The following EPB41L4A variants were observed in gnomAD, a reference collection of about 807,000 sequenced individuals.
The protein encoded by EPB41L4A is band 4.1-like protein 4A.
EPB41L4A carries 100 observed loss-of-function variants against 108.6 expected under a neutral mutation model. That is an observed-to-expected ratio of 0.92 (90% confidence interval 0.78 to 1.09). The LOEUF (loss-of-function observed/expected upper bound fraction) is 1.09. Among genes scored for constraint, EPB41L4A ranks in the 50% least tolerant of loss-of-function variants. The probability of loss-of-function intolerance (pLI) is 0.00; values close to 1 mark genes in which losing one functional copy is unlikely to be tolerated. For missense variants in EPB41L4A, 1,030 were observed against 842.7 expected (o/e 1.22, Z -2.75); for synonymous variants, 319 against 289.0 (o/e 1.10, Z -1.05).
At chr5:112,303,469 G>C (rs1470792945) in intron 2 of EPB41L4A, among the ~76,000 whole-genome samples, 1 of 152,166 alleles carries the variant, frequency 6.6e-6, no homozygotes, top group Non-Finnish European at 1.5e-5. Flanking sequence ...TAGAGCCTAA[G>C]AGAACTAAGG....
At position 112,367,872 on chromosome 5, in the gene EPB41L4A, T is replaced by C. The variant is rs146916746; in HGVS notation, c.99+51069A>G. On this transcript the variant is annotated intron_variant, in intron 1 of 22. Transcript: ENST00000261486. Reference sequence around the variant, plus strand: ...ACCCGGCTGAACAAACTGAATTGCCTGCTCCACGAAATAAAGACCACCAAA... The same window carrying C: ...ACCCGGCTGAACAAACTGAATTGCCCGCTCCACGAAATAAAGACCACCAAA... 2.8e-3 allele frequency among the ~76,000 whole-genome samples: 423 copies of C among 152,342 alleles called. 3 individuals carry two copies. Among genetic ancestry groups the C allele is most frequent in the African/African-American group, 9.1e-3 (380 of 41,584 alleles).
At chr5:112,322,738 A>C (rs1755885812) in intron 1 of EPB41L4A, among the ~76,000 whole-genome samples, 1 of 150,252 alleles carries the variant, frequency 6.7e-6, no homozygotes, top group South Asian at 2.1e-4. Context: ...TCACACACAC[A>C]CCCCACACAC....
chr5:112,210,182 A>G, intron 12 of EPB41L4A, 200 bp from the exon 13 acceptor site: 1 of 422,402 alleles, frequency 2.4e-6, no homozygotes, highest in Non-Finnish European at 4.2e-6. Flanking sequence ...CCTCAACATA[A>G]CAATGTCCTG....
At chr5:112,170,833 T>C in intron 19 of EPB41L4A, 112 bp downstream of exon 19, 2 of 904,580 alleles carry the variant, frequency 2.2e-6, no homozygotes, top group East Asian at 4.9e-5. Context: ...ACAGTGGCAA[T>C]GGCTTTGGCA....
intron 1 of EPB41L4A, among the ~76,000 whole-genome samples, chr5:112,314,211 A>G (rs1408044856): frequency 6.6e-6 from 1 of 151,842 alleles, no homozygotes; most frequent in Non-Finnish European, 1.5e-5. Flanking sequence ...CAGGTAGACC[A>G]AACTATTACG....
chr5:112,404,900 GAC>G (rs1397140466), intron 1 of EPB41L4A, among the ~76,000 whole-genome samples: 4 of 152,112 alleles, frequency 2.6e-5, no homozygotes, highest in African/African-American at 9.7e-5. Context: ...GGCCTTCAGA[GAC>G]ACAGTCCATC....
chr5:112,256,883 C>G (rs1408043481), intron 9 of EPB41L4A: 2 of 152,090 alleles, frequency 1.3e-5, no homozygotes, highest in Admixed American at 1.3e-4. Flanking sequence ...GGATTTTCTA[C>G]AGTGAACATG....
chr5:112,157,216 T>C (rs1759682072), intron 12 of EPB41L4A, among the ~76,000 whole-genome samples: 1 of 151,984 alleles, frequency 6.6e-6, no homozygotes, highest in African/African-American at 2.4e-5. Flanking sequence ...GGATGGGCTA[T>C]TGATAAACCA....
At chr5:112,242,736 G>T (rs1023761738) in intron 9 of EPB41L4A, among the ~76,000 whole-genome samples, 1 of 152,182 alleles carries the variant, frequency 6.6e-6, no homozygotes, top group African/African-American at 2.4e-5. Flanking sequence ...GAAAGTTGAA[G>T]TTACCTCTTG....
At chr5:112,339,496 C>G (rs77941778) in intron 1 of EPB41L4A, among the ~76,000 whole-genome samples, 8 of 32,304 alleles carry the variant, frequency 2.5e-4, no homozygotes, top group African/African-American at 9.0e-4. Context: ...ATATATATAT[C>G]TATATATATA....
chr5:112,347,520 T>C (rs1487251343), intron 1 of EPB41L4A, among the ~76,000 whole-genome samples: 1 of 152,190 alleles, frequency 6.6e-6, no homozygotes, highest in East Asian at 1.9e-4. Context: ...TTTCCAAGCA[T>C]CTCAGAGCCA....
At chr5:112,269,972 C>T (rs929640366) in intron 4 of EPB41L4A, among the ~76,000 whole-genome samples, 17 of 152,298 alleles carry the variant, frequency 1.1e-4, no homozygotes, top group Admixed American at 3.3e-4. Flanking sequence ...ACACGAGAGA[C>T]GGGCCTGAAA....
intron 12 of EPB41L4A, among the ~76,000 whole-genome samples, chr5:112,146,524 T>G (rs1386345932): frequency 6.6e-6 from 1 of 152,182 alleles, no homozygotes; most frequent in Admixed American, 6.5e-5. Context: ...GGAAACAGAT[T>G]TTTCTAAAAA....
intron 4 of EPB41L4A, among the ~76,000 whole-genome samples, chr5:112,268,359 C>G (rs1384136711): frequency 6.6e-6 from 1 of 151,936 alleles, no homozygotes; most frequent in Non-Finnish European, 1.5e-5. Flanking sequence ...GCCTGGGTGA[C>G]AGAGCAAGAC....
chr5:112,224,405 AC>A (rs1398314970), intron 12 of EPB41L4A, among the ~76,000 whole-genome samples: 2 of 151,938 alleles, frequency 1.3e-5, no homozygotes, highest in Non-Finnish European at 1.5e-5. Flanking sequence ...TAAAAAAAAA[AC>A]TTTCTAAAAT....
chr5:112,264,039 C>T (rs1373071755), intron 6 of EPB41L4A: 1 of 152,180 alleles, frequency 6.6e-6, no homozygotes, highest in Admixed American at 6.5e-5. Context: ...TCTCAAACTC[C>T]TGACCTCAGG....
At chr5:112,222,447 G>C (rs778815369) in intron 12 of EPB41L4A, among the ~76,000 whole-genome samples, 3 of 152,112 alleles carry the variant, frequency 2.0e-5, no homozygotes. Flanking sequence ...CTTTCTCATG[G>C]GGATACTGAA....
chr5:112,218,557 A>T (rs77414923), intron 12 of EPB41L4A, among the ~76,000 whole-genome samples: 1 of 152,200 alleles, frequency 6.6e-6, no homozygotes, highest in African/African-American at 2.4e-5. Context: ...GGTCTAGGGC[A>T]GGTGGATAGT....
chr5:112,211,898 T>C (rs1288270540), intron 12 of EPB41L4A, among the ~76,000 whole-genome samples: 2 of 152,164 alleles, frequency 1.3e-5, no homozygotes, highest in Non-Finnish European at 2.9e-5. Flanking sequence ...AATGAAAAGG[T>C]GAGCCTGAAG....
Sources: gnomAD v4.1 joint callset for allele counts (sites outside exome capture counted in the v4.1 genomes callset) on GRCh38, gnomAD v4.1.1 for gene constraint, MANE v1.5 for transcripts, NCBI Gene and HGNC (gene_info 2026-07-23, HGNC 2026-07-21) for gene names.